Variants in EDIL3 observed in about 807,000 individuals in gnomAD.
The protein encoded by EDIL3 is EGF like and discoidin domains 3, also known as EGF-like repeat and discoidin I-like domain-containing protein 3.
A neutral mutation model predicts 67.4 loss-of-function variants in EDIL3; 37 were observed. That is an observed-to-expected ratio of 0.55 (90% CI 0.42 to 0.72). The LOEUF is 0.72. Among genes scored for constraint, EDIL3 ranks in the 30% least tolerant of loss-of-function variants. The probability of loss-of-function intolerance (pLI) is 0.00; values close to 1 mark genes in which losing one functional copy is unlikely to be tolerated. For missense variants in EDIL3, 527 were observed against 586.3 expected (o/e 0.90, Z 1.04); for synonymous variants, 195 against 196.3 (o/e 0.99, Z 0.05).
At chr5:84,206,418 G>A (rs2112383949) in intron 3 of EDIL3, among the ~76,000 whole-genome samples, 2 of 152,208 alleles carry the variant, frequency 1.3e-5, no homozygotes, top group African/African-American at 2.4e-5. Context: ...TTCTGTAGAT[G>A]TCTATTAGGT....
At chr5:84,064,245 TAGAC>T (rs1189932609) in intron 8 of EDIL3, among the ~76,000 whole-genome samples, 1 of 150,494 alleles carries the variant, frequency 6.6e-6, no homozygotes, top group Admixed American at 6.6e-5. Context: ...GTTCTTATGG[TAGAC>T]AGACAAAGAT....
intron 1 of EDIL3, among the ~76,000 whole-genome samples, chr5:84,275,855 T>C (rs1745574146): frequency 6.6e-6 from 1 of 152,210 alleles, no homozygotes; most frequent in South Asian, 2.1e-4. Flanking sequence ...ATAGGTAAAA[T>C]GCAAAAGTAA....
chr5:84,340,104 C>T (rs774768906), intron 1 of EDIL3, among the ~76,000 whole-genome samples: 4 of 151,680 alleles, frequency 2.6e-5, no homozygotes, highest in Non-Finnish European at 5.9e-5. Flanking sequence ...CCTTGTTATT[C>T]AAATATCATG....
At chr5:83,980,972 C>T (rs1744960771) in intron 9 of EDIL3, among the ~76,000 whole-genome samples, 1 of 151,906 alleles carries the variant, frequency 6.6e-6, no homozygotes, top group Non-Finnish European at 1.5e-5. Context: ...AACTACAAAA[C>T]ATTGTTGAAA....
chr5:84,286,125 T>A (rs1443053829), intron 1 of EDIL3, among the ~76,000 whole-genome samples: 2 of 152,200 alleles, frequency 1.3e-5, no homozygotes, highest in Non-Finnish European at 2.9e-5. Flanking sequence ...GCATAAATAT[T>A]CCTGAGCTTT....
At chr5:84,140,261 G>A (rs993050104) in intron 4 of EDIL3, among the ~76,000 whole-genome samples, 19 of 152,076 alleles carry the variant, frequency 1.2e-4, no homozygotes, top group Non-Finnish European at 2.6e-4. Flanking sequence ...TTTTAAGATT[G>A]AAATATATCA....
chr5:84,231,866 A>C (rs1346396345), intron 2 of EDIL3, among the ~76,000 whole-genome samples: 1 of 152,240 alleles, frequency 6.6e-6, no homozygotes, highest in Non-Finnish European at 1.5e-5. Context: ...ATTGTTAACA[A>C]AATCTAGAGA....
intron 9 of EDIL3, among the ~76,000 whole-genome samples, chr5:83,986,820 T>C (rs1348581307): frequency 6.6e-6 from 1 of 152,054 alleles, no homozygotes; most frequent in Non-Finnish European, 1.5e-5. Context: ...AGAAGTGCAC[T>C]TGCAAATGTG....
intron 5 of EDIL3, among the ~76,000 whole-genome samples, chr5:84,116,677 T>C (rs1747671576): frequency 6.6e-6 from 1 of 152,228 alleles, no homozygotes; most frequent in Non-Finnish European, 1.5e-5. Context: ...TTAAATATTG[T>C]ATTTACAGTG....
intron 1 of EDIL3, among the ~76,000 whole-genome samples, chr5:84,338,035 C>T (rs1266564560): frequency 6.6e-6 from 1 of 152,078 alleles, no homozygotes; most frequent in East Asian, 1.9e-4. Context: ...GCATAGTGAT[C>T]AAATAATTGG....
chr5:84,162,036 A>C (rs1253629152), intron 4 of EDIL3, among the ~76,000 whole-genome samples: 1 of 152,092 alleles, frequency 6.6e-6, no homozygotes, highest in Non-Finnish European at 1.5e-5. Flanking sequence ...CCAAGCAGTA[A>C]TCAGATATTC....
rs190902303 is a variant in EDIL3 at position 84,285,110 on chromosome 5, T to A, written c.68-30898A>T. Among the ~76,000 whole-genome samples, 4 of 152,192 alleles carry A rather than the reference T, an allele frequency of 2.6e-5. No individual in the cohort carries two copies. The South Asian group carries it at 8.3e-4, about 31-fold the overall frequency. ...TATATTTGAACCATATACGTAAATATGCATAACAGTAAATTTGAATGTTCT... is the reference window on the plus strand; with the variant it reads ...TATATTTGAACCATATACGTAAATAAGCATAACAGTAAATTTGAATGTTCT... On this transcript the variant is annotated intron_variant, in intron 1 of 10. Transcript: ENST00000296591.
chr5:84,034,909 T>C (rs1745992523), intron 9 of EDIL3, among the ~76,000 whole-genome samples: 1 of 152,150 alleles, frequency 6.6e-6, no homozygotes, highest in South Asian at 2.1e-4. Context: ...ACGGTATAAA[T>C]CCTGTAGGCC....
intron 1 of EDIL3, among the ~76,000 whole-genome samples, chr5:84,261,182 A>G (rs2112084329): frequency 6.7e-6 from 1 of 149,358 alleles, no homozygotes; most frequent in East Asian, 1.9e-4. Context: ...TACACAAGTG[A>G]GTAATAATTC....
chr5:84,355,894 T>G (rs968719033), intron 1 of EDIL3, among the ~76,000 whole-genome samples: 3 of 152,182 alleles, frequency 2.0e-5, no homozygotes, highest in African/African-American at 4.8e-5. Context: ...CAGCCACCCC[T>G]TCCCCTAGTT....
At position 84,254,178 on chromosome 5, in the gene EDIL3, T is replaced by G. The variant is rs1199562798; in HGVS notation, c.102A>C (p.Gly34=). ...CAGCCAATCCTGGCAAACAGATACC[T>G]CCATTTTCACATGGATTGGGATCAC... The part of the protein sequence containing the change: ...DICDPNPCEN[G]GICLPGLADG... Residue 34 remains glycine (G), a synonymous_variant, in exon 2 of 11, where the codon GGA becomes GGC. Coordinates refer to ENST00000296591, the MANE Select transcript of EDIL3 (RefSeq NM_005711.5). 9 of 1,612,122 alleles carry G rather than the reference T, an allele frequency of 5.6e-6. No homozygotes were observed. Among genetic ancestry groups the G allele is most frequent in the Non-Finnish European group, 7.6e-6 (9 of 1,179,130 alleles).
At chr5:84,094,808 C>T (rs1191444843) in intron 6 of EDIL3, among the ~76,000 whole-genome samples, 1 of 152,130 alleles carries the variant, frequency 6.6e-6, no homozygotes, top group African/African-American at 2.4e-5. Context: ...CTTAAAAATG[C>T]AGAAGGTATA....
At chr5:84,097,300 A>G (rs1747281568) in intron 6 of EDIL3, among the ~76,000 whole-genome samples, 1 of 152,226 alleles carries the variant, frequency 6.6e-6, no homozygotes, top group Non-Finnish European at 1.5e-5. Flanking sequence ...CAACTGGTGA[A>G]TTAACTTTCG....
chr5:84,100,575 G>A (rs1835110), intron 6 of EDIL3, among the ~76,000 whole-genome samples: 56,190 of 151,772 alleles, frequency 0.37, 10,682 homozygotes, highest in Non-Finnish European at 0.4. Context: ...GGACTGTTGA[G>A]TGGGGCAGCT....
Sources: gnomAD v4.1 joint callset for allele counts (sites outside exome capture counted in the v4.1 genomes callset) on GRCh38, gnomAD v4.1.1 for gene constraint, MANE v1.5 for transcripts, NCBI Gene and HGNC (gene_info 2026-07-23, HGNC 2026-07-21) for gene names.